NAALADL2: variants seen among roughly 807,000 people sequenced by gnomAD.
The protein encoded by NAALADL2 is N-acetylated alpha-linked acidic dipeptidase like 2.
In NAALADL2, 76 loss-of-function variants were observed where a neutral mutation model predicts 87.2. That is an observed-to-expected ratio of 0.87 (90% CI 0.72 to 1.05). NAALADL2 has a LOEUF of 1.05. Ranked by LOEUF, NAALADL2 falls within the 50% of genes least tolerant of loss-of-function variation. The pLI, the probability that NAALADL2 is intolerant of heterozygous loss-of-function variation, is 0.00. For synonymous variants in NAALADL2, 354 were observed against 331.0 expected (o/e 1.07, Z -0.75); for missense variants, 1,089 against 945.8 (o/e 1.15, Z -1.99).
intron 1 of NAALADL2, among the ~76,000 whole-genome samples, chr3:174,986,827 G>A (rs1483034167): frequency 6.6e-6 from 1 of 152,126 alleles, no homozygotes; most frequent in Non-Finnish European, 1.5e-5. Context: ...TAGTAGGAGG[G>A]TATTTATTTC....
chr3:175,802,590 G>A (rs998510491), intron 13 of NAALADL2, among the ~76,000 whole-genome samples: 5 of 151,678 alleles, frequency 3.3e-5, no homozygotes, highest in African/African-American at 1.2e-4. Context: ...GAATAAACTG[G>A]GTCATTTGTC....
intron 2 of NAALADL2, among the ~76,000 whole-genome samples, chr3:175,172,703 G>A (rs140985339): frequency 6.6e-6 from 1 of 152,250 alleles, no homozygotes; most frequent in African/African-American, 2.4e-5. Flanking sequence ...AATTATAGTA[G>A]TGAACACAGG....
chr3:175,373,037 G>A (rs1335885268), intron 5 of NAALADL2, among the ~76,000 whole-genome samples: 4 of 152,124 alleles, frequency 2.6e-5, no homozygotes, highest in Non-Finnish European at 5.9e-5. Flanking sequence ...CTCAGAATGA[G>A]GAATAATTTT....
At chr3:174,678,367 T>C (rs1727235176) in intron 2 of NAALADL2, among the ~76,000 whole-genome samples, 1 of 152,122 alleles carries the variant, frequency 6.6e-6, no homozygotes, top group African/African-American at 2.4e-5. Flanking sequence ...GTATATGCTT[T>C]CCCTGAAATC....
chr3:174,638,513 C>G (rs971473435), intron 2 of NAALADL2, among the ~76,000 whole-genome samples: 1 of 151,820 alleles, frequency 6.6e-6, no homozygotes, highest in African/African-American at 2.4e-5. Context: ...AGGTAAACAG[C>G]CTTTTGCACA....
intron 9 of NAALADL2, among the ~76,000 whole-genome samples, chr3:175,563,855 G>A (rs1716676617): frequency 6.6e-6 from 1 of 152,026 alleles, no homozygotes; most frequent in Non-Finnish European, 1.5e-5. Flanking sequence ...GTAGTATTTG[G>A]GTGTCCTATA....
intron 2 of NAALADL2, among the ~76,000 whole-genome samples, chr3:174,662,021 C>T (rs1221739603): frequency 6.6e-6 from 1 of 152,156 alleles, no homozygotes; most frequent in African/African-American, 2.4e-5. Flanking sequence ...ATTAGGATGA[C>T]ATAAGCTATA....
chr3:175,240,196 A>G (rs922350881), intron 3 of NAALADL2, among the ~76,000 whole-genome samples: 1 of 152,312 alleles, frequency 6.6e-6, no homozygotes, highest in African/African-American at 2.4e-5. Flanking sequence ...TACAAATGAA[A>G]TGTTTTATTC....
intron 1 of NAALADL2, among the ~76,000 whole-genome samples, chr3:174,998,179 G>A (rs758656516): frequency 2.0e-5 from 3 of 152,110 alleles, no homozygotes; most frequent in Non-Finnish European, 2.9e-5. Context: ...TATGCTTTGT[G>A]CATTATGTAT....
intron 10 of NAALADL2, chr3:175,609,661 C>T (rs752371671): frequency 1.3e-5 from 2 of 151,984 alleles, no homozygotes; most frequent in Non-Finnish European, 2.9e-5. Flanking sequence ...TTTGTTTATT[C>T]TCAACCTTTT....
chr3:175,074,302 C>T lies in NAALADL2; in HGVS notation c.44-22488C>T, dbSNP rs181528557. On this transcript the variant is annotated intron_variant, in intron 1 of 13. Coordinates refer to ENST00000454872, the MANE Select transcript of NAALADL2 (RefSeq NM_207015.3). ...ACGTAATGCTAATCAAAGCTATTAACGTGAGGATATATTTGGTGATATGTA... is the reference window on the plus strand; with the variant it reads ...ACGTAATGCTAATCAAAGCTATTAATGTGAGGATATATTTGGTGATATGTA... 3.7e-3 allele frequency among the ~76,000 whole-genome samples: 565 copies of T among 152,068 alleles called. 18 individuals are homozygous for T. The highest frequency in any genetic ancestry group is 0.033 in the Admixed American group (504 of 15,238).
intron 3 of NAALADL2, among the ~76,000 whole-genome samples, chr3:174,750,528 G>A (rs920582606): frequency 1.3e-5 from 2 of 151,988 alleles, no homozygotes; most frequent in African/African-American, 4.8e-5. Context: ...CCTGCCAGGG[G>A]GTTCAAGTGA....
intron 3 of NAALADL2, among the ~76,000 whole-genome samples, chr3:174,811,653 T>C (rs565028065): frequency 1.3e-5 from 2 of 152,266 alleles, no homozygotes; most frequent in East Asian, 1.9e-4. Context: ...GATGAGACTT[T>C]GGACTTTTGA....
At chr3:174,807,568 C>T (rs1312158536) in intron 3 of NAALADL2, among the ~76,000 whole-genome samples, 1 of 152,006 alleles carries the variant, frequency 6.6e-6, no homozygotes, top group African/African-American at 2.4e-5. Context: ...AGCTTCAGCA[C>T]GTCTTCCATG....
intron 11 of NAALADL2, among the ~76,000 whole-genome samples, chr3:175,691,380 T>C (rs1737024132): frequency 6.6e-6 from 1 of 151,656 alleles, no homozygotes; most frequent in South Asian, 2.1e-4. Context: ...AATTTCGGAT[T>C]CACTGTTTTA....
intron 2 of NAALADL2, among the ~76,000 whole-genome samples, chr3:174,660,389 T>C (rs1260551605): frequency 6.6e-6 from 1 of 152,188 alleles, no homozygotes; most frequent in African/African-American, 2.4e-5. Context: ...GTATGATTGG[T>C]TATCTTTACA....
chr3:175,102,936 G>T (rs1040681286), intron 2 of NAALADL2, among the ~76,000 whole-genome samples: 6 of 151,696 alleles, frequency 4.0e-5, no homozygotes, highest in Non-Finnish European at 8.8e-5. Flanking sequence ...GGTGAAACCC[G>T]GTCTCTATTA....
chr3:174,791,190 C>T lies in NAALADL2; in HGVS notation c.-9+53444C>T, dbSNP rs142925995. Among the ~76,000 whole-genome samples, 1,064 of 152,248 alleles carry T rather than the reference C, an allele frequency of 7.0e-3. 12 individuals are homozygous for T. Among genetic ancestry groups the T allele is most frequent in the African/African-American group, 0.024 (1,005 of 41,540 alleles). ...TTCTTATGAAATTAAGTCAGTACCC[C>T]TCTTATATGTGGGCAAACAGGACCA... On this transcript the variant is annotated intron_variant, in intron 3 of 3. Coordinates refer to the NAALADL2 transcript ENST00000434257.
At chr3:175,621,507 C>G (rs1205612919) in intron 10 of NAALADL2, among the ~76,000 whole-genome samples, 1 of 152,122 alleles carries the variant, frequency 6.6e-6, no homozygotes, top group African/African-American at 2.4e-5. Context: ...AAGGCTTGGC[C>G]TCTAATACAG....
Sources: allele counts gnomAD v4.1 joint callset (sites outside exome capture counted in the v4.1 genomes callset), GRCh38; gene constraint gnomAD v4.1.1; transcripts MANE v1.5; gene names NCBI Gene and HGNC (gene_info 2026-07-23, HGNC 2026-07-21).